The following MTBP variants were observed in gnomAD, a reference collection of about 807,000 sequenced individuals.
The protein encoded by MTBP is MDM2 binding protein, also known as mdm2-binding protein.
Under a neutral mutation model 117.0 loss-of-function variants are expected in MTBP, and 101 were observed. The ratio of observed to expected loss-of-function variants is 0.86; its 90% confidence interval spans 0.73 to 1.02. The LOEUF (loss-of-function observed/expected upper bound fraction) is 1.02, where lower values mean the gene tolerates loss of function less well. Ranked by LOEUF, MTBP falls within the 50% of genes least tolerant of loss-of-function variation. The pLI is 0.00. For missense variants in MTBP, 970 were observed against 1,030.9 expected (o/e 0.94, Z 0.81); for synonymous variants, 350 against 351.5 (o/e 1.00, Z 0.05).
intron 11 of MTBP, 31 bp from the exon 12 acceptor site, chr8:120,488,128 C>T (rs1334128276): frequency 6.5e-7 from 1 of 1,537,014 alleles, no homozygotes; most frequent in Non-Finnish European, 8.8e-7. Flanking sequence ...TGAATTTTCA[C>T]ATACTTAACA....
chr8:120,455,592 G>A lies in MTBP; in HGVS notation c.629+13G>A. On this transcript the variant is annotated intron_variant, in intron 6 of 21. Coordinates refer to ENST00000305949, the MANE Select transcript of MTBP (RefSeq NM_022045.5). The stretch of plus-strand genomic sequence containing the variant: ...ATCATTGTGAAATGTAAGCTTCTTT[G>A]TTCATATTTGATTATTGTCTGCCTT... 1 of 1,602,310 alleles carries A rather than the reference G, an allele frequency of 6.2e-7. No individual in the cohort carries two copies. Among genetic ancestry groups the A allele is most frequent in the Non-Finnish European group, 8.5e-7 (1 of 1,176,258 alleles).
At chr8:120,488,941 G>A (rs917919989) in intron 12 of MTBP, among the ~76,000 whole-genome samples, 1 of 151,656 alleles carries the variant, frequency 6.6e-6, no homozygotes, top group Non-Finnish European at 1.5e-5. Flanking sequence ...GCCTGGGCTA[G>A]GATGACTGGA....
chr8:120,469,818 A>G (rs1433579341), intron 10 of MTBP, among the ~76,000 whole-genome samples: 1 of 152,226 alleles, frequency 6.6e-6, no homozygotes, highest in African/African-American at 2.4e-5. Flanking sequence ...GGCAAATTTC[A>G]ACAGTGCAAA....
chr8:120,489,437 G>A (rs1022817110), intron 12 of MTBP, among the ~76,000 whole-genome samples: 3 of 152,112 alleles, frequency 2.0e-5, no homozygotes, highest in South Asian at 2.1e-4. Context: ...TCACGTTTAC[G>A]TTACATTATT....
intron 11 of MTBP, among the ~76,000 whole-genome samples, chr8:120,477,904 C>T (rs4380980): frequency 0.53 from 80,488 of 151,996 alleles, 24,589 homozygotes; most frequent in Non-Finnish European, 0.67. Context: ...CATTACTGGG[C>T]ATATACCCAA....
chr8:120,509,761 G>T (rs1321543481), intron 16 of MTBP, among the ~76,000 whole-genome samples, 173 bp from the exon 17 acceptor site: 2 of 152,102 alleles, frequency 1.3e-5, no homozygotes, highest in East Asian at 3.9e-4. Context: ...GAAAGCCAAG[G>T]CCTAACCTTG....
At chr8:120,505,937 T>C (rs1040405412) in intron 15 of MTBP, among the ~76,000 whole-genome samples, 1 of 152,194 alleles carries the variant, frequency 6.6e-6, no homozygotes, top group Non-Finnish European at 1.5e-5. Flanking sequence ...GCGTCTGTAA[T>C]GTAACCTTTT....
chr8:120,496,983 C>T (rs1468746132), intron 13 of MTBP, among the ~76,000 whole-genome samples: 2 of 152,134 alleles, frequency 1.3e-5, no homozygotes, highest in Non-Finnish European at 2.9e-5. Flanking sequence ...TTCTTTTGTT[C>T]TCCCTTTTTA....
chr8:120,458,626 G>C (rs1235427260), intron 7 of MTBP, among the ~76,000 whole-genome samples: 1 of 151,878 alleles, frequency 6.6e-6, no homozygotes, highest in Non-Finnish European at 1.5e-5. Context: ...GATCACCCGA[G>C]GTCAGGAGTT....
At position 120,455,442 on chromosome 8, in the gene MTBP, A is replaced by G. The variant is rs1237174870; in HGVS notation, c.492A>G (p.Ala164=). The change falls in exon 6 of 22, where the codon GCA becomes GCG. Residue 164 remains alanine (A), a synonymous_variant. Coordinates refer to ENST00000305949, the MANE Select transcript of MTBP (RefSeq NM_022045.5). The stretch of plus-strand genomic sequence containing the variant: ...GCCTTTTTCTCTTTCTAGGTAGAGC[A>G]ATGGTAGATATAATACTGTTGCTTT... ...LSDKLPAPGR[A]MVDIILLLSD... 6 of 1,596,358 alleles carry G rather than the reference A, an allele frequency of 3.8e-6. No individual in the cohort carries two copies. In the African/African-American group the frequency reaches 8.1e-5, roughly 22 times the overall value.
At chr8:120,497,273 G>A in intron 13 of MTBP, 120 bp from the exon 14 acceptor site, 3 of 858,336 alleles carry the variant, frequency 3.5e-6, no homozygotes, top group Non-Finnish European at 5.3e-6. Context: ...CCTGAAAACA[G>A]GAATGTTGAT....
intron 10 of MTBP, among the ~76,000 whole-genome samples, chr8:120,467,603 C>CA (rs1259751352): frequency 5.3e-5 from 8 of 151,706 alleles, no homozygotes; most frequent in African/African-American, 1.2e-4. Context: ...GAGATTGTCT[C>CA]AAAAAAAAGA....
chr8:120,465,925 C>T (rs1813678825), intron 10 of MTBP, among the ~76,000 whole-genome samples: 4 of 151,928 alleles, frequency 2.6e-5, no homozygotes, highest in Admixed American at 2.6e-4. Context: ...AGATAGGCAA[C>T]ACTAATCCTA....
At chr8:120,474,534 C>G (rs1447212361) in intron 11 of MTBP, among the ~76,000 whole-genome samples, 2 of 152,144 alleles carry the variant, frequency 1.3e-5, no homozygotes, top group East Asian at 1.9e-4. Flanking sequence ...CTCTGTTTCT[C>G]CACAATCTAC....
chr8:120,503,276 G>A (rs569280591), intron 15 of MTBP, among the ~76,000 whole-genome samples: 41 of 152,216 alleles, frequency 2.7e-4, no homozygotes, highest in African/African-American at 8.4e-4. Flanking sequence ...TGTGTCAGGC[G>A]CTGGGAATAT....
intron 19 of MTBP, among the ~76,000 whole-genome samples, chr8:120,518,311 A>G (rs977823325): frequency 6.6e-6 from 1 of 152,074 alleles, no homozygotes; most frequent in Non-Finnish European, 1.5e-5. Context: ...GTTAAAAGAT[A>G]TATCAAGATA....
intron 4 of MTBP, 101 bp from the exon 5 acceptor site, chr8:120,453,746 C>T (rs1280264881): frequency 4.1e-6 from 2 of 489,504 alleles, no homozygotes; most frequent in African/African-American, 2.0e-5. Flanking sequence ...ACATGTTTAA[C>T]AGTGTCTGTA....
chr8:120,456,722 A>G, intron 7 of MTBP, 52 bp downstream of exon 7: 1 of 870,104 alleles, frequency 1.1e-6, no homozygotes, highest in Non-Finnish European at 1.9e-6. Context: ...TTTATTTACA[A>G]CACAGATATT....
chr8:120,475,832 A>G, intron 11 of MTBP, among the ~76,000 whole-genome samples: 1 of 152,016 alleles, frequency 6.6e-6, no homozygotes, highest in Non-Finnish European at 1.5e-5. Context: ...GTGTTTACAG[A>G]GATATTTTAT....
Sources: allele counts gnomAD v4.1 joint callset (sites outside exome capture counted in the v4.1 genomes callset), GRCh38; gene constraint gnomAD v4.1.1; transcripts MANE v1.5; gene names NCBI Gene and HGNC (gene_info 2026-07-23, HGNC 2026-07-21).